The following CNTNAP2 variants were observed in gnomAD, a reference collection of about 807,000 sequenced individuals.
CNTNAP2 encodes contactin-associated protein-like 2.
In CNTNAP2, 98 loss-of-function variants were observed where a neutral mutation model predicts 155.2. The observed-to-expected ratio is 0.63, with a 90% CI of 0.54 to 0.75. The LOEUF is 0.75. CNTNAP2 is among the 30% of genes least tolerant of loss of function. CNTNAP2 has a pLI of 0.00. For missense variants in CNTNAP2, 1,727 were observed against 1,688.1 expected, an observed-to-expected ratio of 1.02 and a Z score of -0.40; for synonymous variants, 651 against 631.2, an observed-to-expected ratio of 1.03 and a Z score of -0.47.
At chr7:147,864,615 T>C (rs1799195963) in intron 13 of CNTNAP2, among the ~76,000 whole-genome samples, 3 of 152,212 alleles carry the variant, frequency 2.0e-5, no homozygotes, top group Admixed American at 6.5e-5. Context: ...GAGCAGTGTT[T>C]TGTAGTTCTC....
At chr7:147,834,366 G>C (rs1798601624) in intron 13 of CNTNAP2, among the ~76,000 whole-genome samples, 1 of 152,104 alleles carries the variant, frequency 6.6e-6, no homozygotes, top group Admixed American at 6.6e-5. Flanking sequence ...CTCATAAAAA[G>C]GACTATTGCT....
chr7:147,917,291 C>G (rs539992237), intron 14 of CNTNAP2, among the ~76,000 whole-genome samples: 54 of 152,240 alleles, frequency 3.5e-4, no homozygotes, highest in African/African-American at 1.3e-3. Flanking sequence ...TAATGTGTAG[C>G]CAAGGTTAAA....
At chr7:147,037,543 C>A (rs1799178749) in intron 3 of CNTNAP2, among the ~76,000 whole-genome samples, 2 of 150,114 alleles carry the variant, frequency 1.3e-5, no homozygotes, top group Admixed American at 1.3e-4. Flanking sequence ...CTCACTGCAA[C>A]CTCCACCTCC....
At chr7:147,402,133 T>G (rs774090135) in intron 10 of CNTNAP2, among the ~76,000 whole-genome samples, 111 of 152,322 alleles carry the variant, frequency 7.3e-4, no homozygotes, top group African/African-American at 2.5e-3. Flanking sequence ...ACTCCTCCTT[T>G]CCGTGTATAT....
At chr7:146,441,312 T>G (rs191671565) in intron 1 of CNTNAP2, among the ~76,000 whole-genome samples, 1 of 151,546 alleles carries the variant, frequency 6.6e-6, no homozygotes, top group East Asian at 1.9e-4. Context: ...TTTTGGGGGG[T>G]TTGTGACTAA....
Position 147,480,091 on chromosome 7 carries a change from A to G in CNTNAP2, c.1671-5844A>G, listed in dbSNP as rs556285897. 5.3e-4 allele frequency among the ~76,000 whole-genome samples: 80 copies of G among 152,352 alleles called. 2 individuals carry two copies. The highest frequency in any genetic ancestry group is 1.9e-3 in the African/African-American group (79 of 41,582). On this transcript the variant is annotated intron_variant, in intron 10 of 23. Coordinates refer to ENST00000361727, the MANE Select transcript of CNTNAP2 (RefSeq NM_014141.6). ...AGAAGGTAATGCAGAAGAAAATACT[A>G]TGATTATGGAAACAGCTCTGAGAGT...
At chr7:146,878,153 T>C (rs906311419) in intron 3 of CNTNAP2, among the ~76,000 whole-genome samples, 3 of 152,110 alleles carry the variant, frequency 2.0e-5, no homozygotes, top group Non-Finnish European at 4.4e-5. Context: ...ATTTGAGTGG[T>C]AGATATCTTC....
chr7:148,201,929 G>A (rs139196812), intron 18 of CNTNAP2, among the ~76,000 whole-genome samples: 3 of 151,920 alleles, frequency 2.0e-5, no homozygotes, highest in Non-Finnish European at 2.9e-5. Flanking sequence ...TGACGCACAC[G>A]GTTGTTGTTA....
At chr7:147,184,688 A>C (rs535378044) in intron 8 of CNTNAP2, among the ~76,000 whole-genome samples, 1 of 152,082 alleles carries the variant, frequency 6.6e-6, no homozygotes, top group South Asian at 2.1e-4. Context: ...ATTGGAGAGG[A>C]AATGAGGGAA....
intron 21 of CNTNAP2, among the ~76,000 whole-genome samples, chr7:148,277,993 T>G (rs796290019): frequency 3.3e-5 from 5 of 152,282 alleles, no homozygotes; most frequent in African/African-American, 1.2e-4. Flanking sequence ...CATGTTTTTC[T>G]CTGGCAGAGA....
intron 1 of CNTNAP2, among the ~76,000 whole-genome samples, chr7:146,192,903 C>T (rs1166638827): frequency 1.3e-5 from 2 of 152,166 alleles, no homozygotes; most frequent in East Asian, 3.9e-4. Context: ...ACAATGGAGG[C>T]ACAGGCATAG....
intron 8 of CNTNAP2, among the ~76,000 whole-genome samples, chr7:147,264,648 T>G (rs1231881258): frequency 7.3e-5 from 11 of 150,586 alleles, no homozygotes; most frequent in Non-Finnish European, 1.6e-4. Flanking sequence ...GGGGCCAGCC[T>G]GGAGCAGCTG....
chr7:146,421,068 A>T (rs1321450662), intron 1 of CNTNAP2, among the ~76,000 whole-genome samples: 1 of 152,076 alleles, frequency 6.6e-6, no homozygotes, highest in Non-Finnish European at 1.5e-5. Context: ...ACAGGTATAG[A>T]GTGAAAAAAG....
rs530568078 is a variant in CNTNAP2, at chr7:146,888,595, AT to A, written c.402+48700del. 8.6e-3 allele frequency among the ~76,000 whole-genome samples: 1,287 copies of A among 150,334 alleles called. 4 individuals carry two copies. The highest frequency in any genetic ancestry group is 0.014 in the Non-Finnish European group (940 of 67,546). ...TTTTTCACTTCTATTCTGCCTACCC[AT>A]TTTTTTTTCATCTTGATAAGAATTT... On this transcript the variant is annotated intron_variant, in intron 3 of 23. Transcript: ENST00000361727.
intron 3 of CNTNAP2, among the ~76,000 whole-genome samples, chr7:146,876,382 T>C (rs1795429218): frequency 6.6e-6 from 1 of 152,178 alleles, no homozygotes; most frequent in South Asian, 2.1e-4. Flanking sequence ...GGAATTTTTC[T>C]CTTAAAATAG....
intron 13 of CNTNAP2, among the ~76,000 whole-genome samples, chr7:147,847,333 T>G (rs2116659819): frequency 8.4e-6 from 1 of 118,736 alleles, no homozygotes; most frequent in African/African-American, 3.3e-5. Context: ...CCTTCTCGCT[T>G]CATTTCATTC....
intron 13 of CNTNAP2, among the ~76,000 whole-genome samples, chr7:147,763,518 GA>G (rs1327103572): frequency 6.6e-6 from 1 of 151,624 alleles, no homozygotes; most frequent in Admixed American, 6.6e-5. Context: ...GCAGCTAAAA[GA>G]AGACTAAAGG....
At position 147,587,953 on chromosome 7, in the gene CNTNAP2, A is replaced by G. The variant is rs79260874; in HGVS notation, c.1897+25696A>G. ...CTGTATAACCCTGAGTCCATGGACA[A>G]ATAAATTTGCTTTCCTGAGCCTTTG... On this transcript the variant is annotated intron_variant, in intron 12 of 23. Coordinates refer to ENST00000361727, the MANE Select transcript of CNTNAP2 (RefSeq NM_014141.6). Among the ~76,000 whole-genome samples, 1,116 of 152,276 alleles carry G rather than the reference A, an allele frequency of 7.3e-3. 12 individuals carry two copies. Among genetic ancestry groups the G allele is most frequent in the African/African-American group, 0.026 (1,071 of 41,560 alleles).
intron 1 of CNTNAP2, among the ~76,000 whole-genome samples, chr7:146,144,649 CTA>C (rs1797931653): frequency 6.6e-6 from 1 of 151,972 alleles, no homozygotes; most frequent in South Asian, 2.1e-4. Flanking sequence ...AGGGCTGAGA[CTA>C]TGTCATTCTA....
Sources: gnomAD v4.1 joint callset for allele counts (sites outside exome capture counted in the v4.1 genomes callset) on GRCh38, gnomAD v4.1.1 for gene constraint, MANE v1.5 for transcripts, NCBI Gene and HGNC (gene_info 2026-07-23, HGNC 2026-07-21) for gene names.